The following BCL11B variants were observed in gnomAD, a reference collection of about 807,000 sequenced individuals.
BCL11B encodes the protein B-cell lymphoma/leukemia 11B.
A neutral mutation model predicts 49.9 loss-of-function variants in BCL11B; 8 were observed. The ratio of observed to expected loss-of-function variants is 0.16; its 90% CI spans 0.09 to 0.29. The LOEUF (loss-of-function observed/expected upper bound fraction) is 0.29. Among genes scored for constraint, BCL11B ranks in the 10% least tolerant of loss-of-function variants. BCL11B has a pLI of 1.00. For missense variants in BCL11B, 1,006 were observed against 1,351.0 expected, an observed-to-expected ratio of 0.74 and a Z score of 4.00; for synonymous variants, 739 against 637.4, an observed-to-expected ratio of 1.16 and a Z score of -2.40.
chr14:99,197,333 C>T (rs1035549758), intron 3 of BCL11B, among the ~76,000 whole-genome samples: 2 of 152,144 alleles, frequency 1.3e-5, no homozygotes, highest in Non-Finnish European at 2.9e-5. Flanking sequence ...CCTAAAGACA[C>T]CCCTGGCCCC....
chr14:99,249,006 G>A (rs1259771727), intron 2 of BCL11B, among the ~76,000 whole-genome samples: 1 of 152,132 alleles, frequency 6.6e-6, no homozygotes, highest in Admixed American at 6.5e-5. Context: ...ATGACGAGGT[G>A]GGGGCCAGCT....
chr14:99,179,617 T>A (rs1384070071), intron 3 of BCL11B, among the ~76,000 whole-genome samples: 1 of 152,004 alleles, frequency 6.6e-6, no homozygotes, highest in Non-Finnish European at 1.5e-5. Flanking sequence ...CCGTCCTGCC[T>A]GGAAAGCTCT....
rs554329351 is a variant in BCL11B at position 99,174,249 on chromosome 14, A to G, written c.2587T>C (p.Phe863Leu). Reference sequence around the variant, plus strand: ...TTCTCCAGGGTGCTGTAGACGCTGAAGGGCATCTGGCAGATGTCGCAGCGG... The same window carrying G: ...TTCTCCAGGGTGCTGTAGACGCTGAGGGGCATCTGGCAGATGTCGCAGCGG... Reference protein sequence around the residue: ...VYRCDICQMPFSVYSTLEKHM... With the variant: ...VYRCDICQMPLSVYSTLEKHM... The change falls in exon 4 of 4, where the codon TTC becomes CTC. Residue 863 changes from phenylalanine to leucine, a missense_variant. Phe to Leu is a conservative substitution (Grantham distance 22). Transcript: ENST00000357195. 6.2e-7 allele frequency: 1 copy of G among 1,613,912 alleles called. No individual in the cohort carries two copies.
chr14:99,270,957 C>T (rs929441651), intron 1 of BCL11B, among the ~76,000 whole-genome samples: 1 of 151,630 alleles, frequency 6.6e-6, no homozygotes, highest in Admixed American at 6.6e-5. Context: ...TCCGGCTGCT[C>T]GGCGCCCCAA....
intron 1 of BCL11B, among the ~76,000 whole-genome samples, chr14:99,261,112 G>A (rs1216076220): frequency 6.6e-6 from 1 of 152,232 alleles, no homozygotes; most frequent in Non-Finnish European, 1.5e-5. Flanking sequence ...TTGGCCTGCT[G>A]TGTGCGACAC....
intron 1 of BCL11B, among the ~76,000 whole-genome samples, chr14:99,265,794 C>T (rs376735489): frequency 3.1e-4 from 47 of 152,300 alleles, no homozygotes; most frequent in African/African-American, 1.1e-3. Context: ...CTGACGACAG[C>T]GCTAGGCTTT....
chr14:99,203,131 A>G (rs1887434951), intron 3 of BCL11B, among the ~76,000 whole-genome samples: 1 of 152,000 alleles, frequency 6.6e-6, no homozygotes. Context: ...TTCCCCAACC[A>G]CAGATCTGGA....
chr14:99,230,439 ATG>A (rs1228519417), intron 3 of BCL11B, among the ~76,000 whole-genome samples: 3 of 152,054 alleles, frequency 2.0e-5, no homozygotes, highest in Non-Finnish European at 2.9e-5. Flanking sequence ...TGCTCACCAC[ATG>A]TGTCTGTGTC....
At chr14:99,201,985 C>T (rs1887397753) in intron 3 of BCL11B, among the ~76,000 whole-genome samples, 2 of 152,236 alleles carry the variant, frequency 1.3e-5, no homozygotes, top group East Asian at 1.9e-4. Flanking sequence ...GAAACACTCG[C>T]CTCTTTTTTT....
chr14:99,182,637 C>G (rs1566798493), intron 3 of BCL11B, among the ~76,000 whole-genome samples: 1 of 152,204 alleles, frequency 6.6e-6, no homozygotes, highest in East Asian at 1.9e-4. Flanking sequence ...GGTGTAAGTG[C>G]TGATGGTAAT....
intron 3 of BCL11B, among the ~76,000 whole-genome samples, chr14:99,198,560 G>A (rs1430474890): frequency 6.6e-6 from 1 of 152,128 alleles, no homozygotes; most frequent in Non-Finnish European, 1.5e-5. Context: ...AGGTGTATAC[G>A]TATGAGCCTA....
Position 99,172,839 on chromosome 14 carries a change from A to T in BCL11B, c.*1312T>A, listed in dbSNP as rs1320052829. 4 of 223,798 alleles carry T rather than the reference A, an allele frequency of 1.8e-5. No homozygotes were observed. Among genetic ancestry groups the T allele is most frequent in the Admixed American group, 5.7e-5 (1 of 17,450 alleles). 13.9% of individuals were successfully genotyped at this position (223,798 alleles called of 1,614,324 possible). On this transcript the variant is annotated 3_prime_UTR_variant, in exon 4 of 4. Coordinates refer to ENST00000357195, the MANE Select transcript of BCL11B (RefSeq NM_138576.4). ...ATATTTAGTACCTTCCAACCTAATG[A>T]GATAGGAAAAAAAAAATAAAAACCT... is the stretch of plus-strand genomic sequence containing the variant.
Position 99,175,709 on chromosome 14 carries a change from G to A in BCL11B, c.1127C>T (p.Thr376Met). The change falls in exon 4 of 4, where the codon ACG becomes ATG. Residue 376 changes from threonine to methionine, a missense_variant. Physicochemically the swap from Thr to Met is moderately conservative, Grantham distance 81. Coordinates refer to ENST00000357195, the MANE Select transcript of BCL11B (RefSeq NM_138576.4). The part of the protein sequence containing the change: ...RLRELAGNSS[T>M]PPPVSPGRGN... ...GCGGCCCGGGGACACGGGCGGCGGCGTGGAGCTGTTGCCCGCCAGCTCGCG... is the reference window on the plus strand; with the variant it reads ...GCGGCCCGGGGACACGGGCGGCGGCATGGAGCTGTTGCCCGCCAGCTCGCG... 2.0e-6 allele frequency: 3 copies of A among 1,501,340 alleles called. No individual in the cohort carries two copies. Among genetic ancestry groups the A allele is most frequent in the South Asian group, 1.3e-5 (1 of 76,292 alleles). The allele number at this position is 1,501,340 out of a possible 1,614,324, so 93.0% of individuals were successfully genotyped here.
Position 99,262,119 on chromosome 14 carries a change from C to A in BCL11B, c.59-4280G>T, listed in dbSNP as rs546207084. ...AAGAAATGGAAAGACATCGTTAACACAGGCCCAGCCAAGCAGCCAACAAGC... is the reference window on the plus strand; with the variant it reads ...AAGAAATGGAAAGACATCGTTAACAAAGGCCCAGCCAAGCAGCCAACAAGC... On this transcript the variant is annotated intron_variant, in intron 1 of 3. Transcript: ENST00000357195. The surrounding 1 kb of genome is among the most constrained non-coding windows in gnomAD (Gnocchi z 4.2). Among the ~76,000 whole-genome samples, 2 of 152,372 alleles carry A rather than the reference C, an allele frequency of 1.3e-5. No individual in the cohort carries two copies. Among genetic ancestry groups the A allele is most frequent in the South Asian group, 4.1e-4 (2 of 4,830 alleles).
At chr14:99,220,310 C>T (rs1267089769) in intron 3 of BCL11B, among the ~76,000 whole-genome samples, 1 of 152,210 alleles carries the variant, frequency 6.6e-6, no homozygotes, top group African/African-American at 2.4e-5. Context: ...CTTAGCTGTG[C>T]CATTCACAAT....
Position 99,175,294 on chromosome 14 carries a change from G to A in BCL11B, c.1542C>T (p.Asp514=), listed in dbSNP as rs1209645071. Residue 514 remains aspartate (D), a synonymous_variant, in exon 4 of 4, where the codon GAC becomes GAT. Transcript: ENST00000357195. ...CGCTCTCGTGGTGGCGGAAGTCACC[G>A]TCGGCCGCCTTGAGGCCCTCGCCCG... ...ELAGEGLKAA[D]GDFRHHESDP... 6.5e-7 allele frequency: 1 copy of A among 1,539,876 alleles called. No homozygotes were observed. Among genetic ancestry groups the A allele is most frequent in the African/African-American group, 1.4e-5 (1 of 73,064 alleles).
chr14:99,225,657 AAAAG>A (rs148489102), intron 3 of BCL11B, among the ~76,000 whole-genome samples: 3 of 152,136 alleles, frequency 2.0e-5, no homozygotes, highest in African/African-American at 2.4e-5. Context: ...AAAAGGGAAA[AAAAG>A]AAAGAAAGAA....
chr14:99,204,524 A>G (rs1236120231), intron 3 of BCL11B, among the ~76,000 whole-genome samples: 1 of 152,110 alleles, frequency 6.6e-6, no homozygotes, highest in Non-Finnish European at 1.5e-5. Flanking sequence ...CACAGTGCTC[A>G]GGGAGGTGGG....
Position 99,200,978 on chromosome 14 carries a change from G to A in BCL11B, c.641-24783C>T, listed in dbSNP as rs529258667. On this transcript the variant is annotated intron_variant, in intron 3 of 3. Coordinates refer to ENST00000357195, the MANE Select transcript of BCL11B (RefSeq NM_138576.4). The stretch of plus-strand genomic sequence containing the variant: ...TTATGCTCTCAGACCAGACTTTGCT[G>A]GCTTGGGGAAGTGGCACAGCCAGAC... Among the ~76,000 whole-genome samples, 683 of 152,304 alleles carry A rather than the reference G, an allele frequency of 4.5e-3. 2 individuals are homozygous for A. The highest frequency in any genetic ancestry group is 7.5e-3 in the Non-Finnish European group (509 of 68,020).
Sources: allele counts gnomAD v4.1 joint callset (sites outside exome capture counted in the v4.1 genomes callset), GRCh38; gene constraint gnomAD v4.1.1; non-coding constraint Gnocchi (gnomAD v3.1); transcripts MANE v1.5; gene names NCBI Gene and HGNC (gene_info 2026-07-23, HGNC 2026-07-21).